Variants in SHROOM3 observed in about 807,000 individuals in gnomAD.
SHROOM3 encodes shroom family member 3.
A neutral mutation model predicts 138.6 loss-of-function variants in SHROOM3; 47 were observed. That is an observed-to-expected ratio of 0.34 (90% CI 0.27 to 0.43). SHROOM3 has a LOEUF of 0.43. Among genes scored for constraint, SHROOM3 ranks in the 20% least tolerant of loss-of-function variants. The pLI, the probability that SHROOM3 is intolerant of heterozygous loss-of-function variation, is 1.00. For missense variants in SHROOM3, 2,491 were observed against 2,596.5 expected (o/e 0.96, Z 0.88); for synonymous variants, 1,062 against 1,063.3 (o/e 1.00, Z 0.02).
intron 1 of SHROOM3, among the ~76,000 whole-genome samples, chr4:76,476,686 C>T (rs1448961946): frequency 2.0e-5 from 3 of 152,116 alleles, no homozygotes; most frequent in Admixed American, 1.3e-4. Context: ...GTTACTAAAA[C>T]ATTTTCCTTT....
intron 2 of SHROOM3, among the ~76,000 whole-genome samples, chr4:76,580,720 C>G (rs1734034433): frequency 6.6e-6 from 1 of 152,160 alleles, no homozygotes; most frequent in African/African-American, 2.4e-5. Context: ...GCCACTGTAC[C>G]CCGCCAACTT....
At chr4:76,707,772 T>C (rs1720099979) in intron 2 of SHROOM3, among the ~76,000 whole-genome samples, 2 of 152,156 alleles carry the variant, frequency 1.3e-5, no homozygotes, top group South Asian at 4.2e-4. Context: ...CTCGGTTCAC[T>C]ATGGGTTTTT....
chr4:76,555,598 C>T lies in SHROOM3; in HGVS notation c.169-11C>T, dbSNP rs756011250. The T allele has an allele frequency of 1.2e-6, 2 of 1,612,982 alleles. No homozygotes were observed. Among genetic ancestry groups the T allele is most frequent in the Non-Finnish European group, 1.7e-6 (2 of 1,179,954 alleles). On this transcript the variant is annotated splice_polypyrimidine_tract_variant and intron_variant, in intron 1 of 10. Coordinates refer to ENST00000296043, the MANE Select transcript of SHROOM3 (RefSeq NM_020859.4). Reference sequence around the variant, plus strand: ...CTCACTCGTGGCTGTCGCATCTCTCCCTCCAAGCAGGTCGAAGAAGGGGGC... The same window carrying T: ...CTCACTCGTGGCTGTCGCATCTCTCTCTCCAAGCAGGTCGAAGAAGGGGGC...
chr4:76,645,876 C>A (rs1735802657), intron 2 of SHROOM3, among the ~76,000 whole-genome samples: 1 of 152,080 alleles, frequency 6.6e-6, no homozygotes, highest in South Asian at 2.1e-4. Context: ...GGTTACTTAG[C>A]CTGCCTCATA....
intron 1 of SHROOM3, among the ~76,000 whole-genome samples, chr4:76,490,796 T>C (rs544800663): frequency 1.3e-5 from 2 of 152,308 alleles, no homozygotes; most frequent in Admixed American, 6.5e-5. Context: ...CAAGAAACAA[T>C]AATTACAACT....
At chr4:76,522,260 G>C (rs933488433) in intron 1 of SHROOM3, among the ~76,000 whole-genome samples, 4 of 146,634 alleles carry the variant, frequency 2.7e-5, no homozygotes, top group Non-Finnish European at 4.5e-5. Context: ...ATATACTTAT[G>C]ATATTAAGTA....
chr4:76,504,991 A>C (rs904750430), intron 1 of SHROOM3, among the ~76,000 whole-genome samples: 7 of 152,214 alleles, frequency 4.6e-5, no homozygotes, highest in African/African-American at 1.7e-4. Context: ...ATATTTAAGC[A>C]GTTTGATTCT....
intron 2 of SHROOM3, among the ~76,000 whole-genome samples, chr4:76,657,194 T>G (rs556705800): frequency 1.3e-5 from 2 of 148,732 alleles, no homozygotes; most frequent in Non-Finnish European, 3.0e-5. Context: ...TCTCTCGCTC[T>G]CTCTCTCTCT....
In SHROOM3 at chr4:76,684,071, T is replaced by A. The variant is rs77780641; in HGVS notation, c.324-26085T>A. Among the ~76,000 whole-genome samples the A allele has an allele frequency of 8.8e-3, 1,338 of 152,304 alleles. 13 individuals carry two copies. The highest frequency in any genetic ancestry group is 0.031 in the African/African-American group (1,279 of 41,562). ...ACTAGATAATGTGGACATCTCTCCA[T>A]GTCAGCACATATAGGACCCCCTTCT... On this transcript the variant is annotated intron_variant, in intron 2 of 10. Coordinates refer to ENST00000296043, the MANE Select transcript of SHROOM3 (RefSeq NM_020859.4).
intron 1 of SHROOM3, among the ~76,000 whole-genome samples, chr4:76,440,603 A>G (rs1181219169): frequency 6.6e-6 from 1 of 152,238 alleles, no homozygotes; most frequent in Non-Finnish European, 1.5e-5. Context: ...ATAAGGGGAC[A>G]CCTGCTGTTC....
chr4:76,716,152 G>A (rs966256656), intron 3 of SHROOM3: 1 of 372,778 alleles, frequency 2.7e-6, no homozygotes, highest in Admixed American at 3.5e-5. Context: ...CCCTCTTACA[G>A]AGCAGGAATT....
rs553897462 is a variant in SHROOM3, at chr4:76,738,812, C to T, written c.639C>T (p.Ser213=). Residue 213 remains serine, a synonymous_variant, in exon 5 of 11, where the codon AGC becomes AGT. Transcript: ENST00000296043. Reference sequence around the variant, plus strand: ...ATGACCATGCTTATCTAAGGCGGAGCCCTGACCAGTGCAGCTCCCAGGGGA... The same window carrying T: ...ATGACCATGCTTATCTAAGGCGGAGTCCTGACCAGTGCAGCTCCCAGGGGA... ...SNYDHAYLRR[S]PDQCSSQGSM... is the part of the protein sequence containing the mutation. 6.2e-7 allele frequency: 1 copy of T among 1,614,252 alleles called. No individual in the cohort carries two copies. The highest frequency in any genetic ancestry group is 2.2e-5 in the East Asian group (1 of 44,886).
intron 2 of SHROOM3, among the ~76,000 whole-genome samples, chr4:76,605,952 TATATATATAC>T (rs1391826857): frequency 7.0e-6 from 1 of 141,988 alleles, no homozygotes; most frequent in African/African-American, 2.6e-5. Context: ...TATATACACA[TATATATATAC>T]ATATATATAC....
At chr4:76,642,134 A>G (rs1267645645) in intron 2 of SHROOM3, among the ~76,000 whole-genome samples, 3 of 152,180 alleles carry the variant, frequency 2.0e-5, no homozygotes, top group African/African-American at 7.2e-5. Flanking sequence ...TGCTTCTGAT[A>G]TAGGATATGG....
chr4:76,478,661 T>A (rs879332704), intron 1 of SHROOM3, among the ~76,000 whole-genome samples: 9 of 152,214 alleles, frequency 5.9e-5, no homozygotes, highest in Admixed American at 5.9e-4. Context: ...AGTGGGTTCA[T>A]GACCCCCTTG....
In SHROOM3 at chr4:76,741,450, A is replaced by C. The variant is rs1447349072; in HGVS notation, c.3277A>C (p.Lys1093Gln). ...QSALADYIQR[K>Q]TGKRPTSAAG... ...CGCCCTGGCGGACTACATCCAGCGC[A>C]AGACCGGCAAGCGGCCTACCTCCGC... Residue 1093 changes from lysine (K) to glutamine (Q), a missense_variant, in exon 5 of 11, where the codon AAG becomes CAG. By Grantham distance (53) the Lys-to-Gln change is moderately conservative. Around this residue, in one of 4 missense-constraint regions of SHROOM3, gnomAD observed 1,733 missense variants for 1,661.6 expected, o/e 1.04. Transcript: ENST00000296043. The surrounding 1 kb of genome is among the most constrained non-coding windows in gnomAD (Gnocchi z 6.2). 6 of 1,580,084 alleles carry C rather than the reference A, an allele frequency of 3.8e-6. No individual in the cohort carries two copies. The highest frequency in any genetic ancestry group is 5.1e-6 in the Non-Finnish European group (6 of 1,165,358).
chr4:76,689,633 AG>A, intron 2 of SHROOM3: 2 of 985,276 alleles, frequency 2.0e-6, no homozygotes, highest in Non-Finnish European at 2.4e-6. Context: ...GCGGCGGCGA[AG>A]TTTGAACTTG....
intron 1 of SHROOM3, among the ~76,000 whole-genome samples, chr4:76,449,250 G>A (rs983841450): frequency 2.0e-5 from 3 of 152,172 alleles, no homozygotes; most frequent in African/African-American, 7.2e-5. Context: ...GGGGATCTCT[G>A]AGGAGAGAAA....
intron 3 of SHROOM3, among the ~76,000 whole-genome samples, chr4:76,724,529 T>A (rs999894097): frequency 2.0e-5 from 3 of 152,182 alleles, no homozygotes; most frequent in Non-Finnish European, 4.4e-5. Flanking sequence ...AGGTAATACA[T>A]GCGTATAGTA....
Sources: gnomAD v4.1 joint callset for allele counts (sites outside exome capture counted in the v4.1 genomes callset) on GRCh38, gnomAD v4.1.1 for gene constraint, gnomAD v4.1.1 regional missense constraint, Gnocchi (gnomAD v3.1) non-coding constraint, MANE v1.5 for transcripts, NCBI Gene and HGNC (gene_info 2026-07-23, HGNC 2026-07-21) for gene names.